The following FKBP5 variants were observed in gnomAD, a reference collection of about 807,000 sequenced individuals.
The protein encoded by FKBP5 is peptidyl-prolyl cis-trans isomerase FKBP5.
Under a neutral mutation model 50.5 loss-of-function variants are expected in FKBP5, and 23 were observed. The observed-to-expected ratio is 0.46, with a 90% CI of 0.33 to 0.65. The LOEUF is 0.65. FKBP5 is among the 30% of genes least tolerant of loss of function. The probability of loss-of-function intolerance (pLI) is 0.02; values close to 1 mark genes in which losing one functional copy is unlikely to be tolerated. For synonymous variants in FKBP5, 176 were observed against 190.6 expected, an observed-to-expected ratio of 0.92 and a Z score of 0.63; for missense variants, 411 against 553.1, an observed-to-expected ratio of 0.74 and a Z score of 2.58.
chr6:35,654,260 T>C (rs1764889514), intron 1 of FKBP5, among the ~76,000 whole-genome samples: 1 of 152,202 alleles, frequency 6.6e-6, no homozygotes, highest in African/African-American at 2.4e-5. Flanking sequence ...TGCCAAAATA[T>C]CTTTTTTCCC....
intron 1 of FKBP5, among the ~76,000 whole-genome samples, chr6:35,653,608 G>C (rs1363239678): frequency 2.0e-5 from 3 of 152,202 alleles, no homozygotes; most frequent in African/African-American, 7.2e-5. Flanking sequence ...CATGTTAAGA[G>C]AGGGTGTCAA....
intron 1 of FKBP5, among the ~76,000 whole-genome samples, chr6:35,658,442 T>C (rs1035814981): frequency 6.6e-6 from 1 of 152,112 alleles, no homozygotes; most frequent in African/African-American, 2.4e-5. Flanking sequence ...AGCAGATATC[T>C]TGACTTGTTC....
At chr6:35,654,123 TACAA>T (rs949018573) in intron 1 of FKBP5, among the ~76,000 whole-genome samples, 1 of 152,232 alleles carries the variant, frequency 6.6e-6, no homozygotes, top group Admixed American at 6.5e-5. Flanking sequence ...ATACATGTGA[TACAA>T]ACAGTGTGGT....
intron 3 of FKBP5, among the ~76,000 whole-genome samples, chr6:35,625,745 C>A (rs1385637450): frequency 1.3e-5 from 2 of 148,282 alleles, no homozygotes; most frequent in Non-Finnish European, 3.0e-5. Context: ...CAAAAAAAAA[C>A]ACACCAAGAA....
intron 2 of FKBP5, among the ~76,000 whole-genome samples, chr6:35,701,242 T>G (rs1234406145): frequency 3.3e-5 from 5 of 149,590 alleles, no homozygotes; most frequent in South Asian, 4.2e-4. Flanking sequence ...TGTTTTTTGT[T>G]TTTTTGTTTT....
intron 3 of FKBP5, among the ~76,000 whole-genome samples, chr6:35,630,764 A>G (rs1166282107): frequency 6.6e-6 from 1 of 152,234 alleles, no homozygotes; most frequent in African/African-American, 2.4e-5. Context: ...AATATAGTAA[A>G]CAAAAAATCA....
At chr6:35,641,511 G>A (rs943045155) in intron 2 of FKBP5, among the ~76,000 whole-genome samples, 1 of 152,180 alleles carries the variant, frequency 6.6e-6, no homozygotes, top group Non-Finnish European at 1.5e-5. Flanking sequence ...CTAGGCCATA[G>A]GAACTTTTCG....
rs558299730 is a variant in FKBP5, at chr6:35,636,928, T to A, written c.250+86A>T. 2.3e-6 allele frequency: 3 copies of A among 1,292,262 alleles called. No homozygotes were observed. In the Admixed American group the frequency reaches 1.0e-4, roughly 43 times the overall value. 80.0% of individuals were successfully genotyped at this position (1,292,262 alleles called of 1,614,324 possible). A position where few individuals can be genotyped will look rare whatever the true frequency, so the allele number is the denominator to read the frequency against. ...CTACTACTCTAAAATTTCTTTACTT[T>A]TAGAAAGGATAGAATCCTCTGCTCC... On this transcript the variant is annotated intron_variant, in intron 3 of 10. Coordinates refer to ENST00000357266, the MANE Select transcript of FKBP5 (RefSeq NM_004117.4).
intron 1 of FKBP5, among the ~76,000 whole-genome samples, chr6:35,667,833 C>T (rs1581867092): frequency 6.6e-6 from 1 of 152,024 alleles, no homozygotes; most frequent in Non-Finnish European, 1.5e-5. Flanking sequence ...GGCATGGTGG[C>T]GGGCGCCTGT....
chr6:35,682,905 TAA>T (rs569511819), intron 1 of FKBP5, among the ~76,000 whole-genome samples: 3 of 122,710 alleles, frequency 2.4e-5, no homozygotes, highest in Non-Finnish European at 3.5e-5. Flanking sequence ...CAATCTCTTT[TAA>T]AAAAAAAAAA....
intron 2 of FKBP5, among the ~76,000 whole-genome samples, chr6:35,713,788 T>C (rs745612042): frequency 2.0e-5 from 3 of 152,184 alleles, no homozygotes; most frequent in Admixed American, 6.5e-5. Context: ...CTCTCCGGAC[T>C]CACACCCTCA....
chr6:35,600,415 CA>C (rs1004334631), intron 5 of FKBP5, among the ~76,000 whole-genome samples: 28 of 135,790 alleles, frequency 2.1e-4, no homozygotes, highest in Non-Finnish European at 2.5e-4. Flanking sequence ...GAGACCGTCT[CA>C]AAAAAAAAAA....
intron 2 of FKBP5, among the ~76,000 whole-genome samples, chr6:35,639,010 T>TA (rs1270226925): frequency 6.6e-6 from 1 of 152,008 alleles, no homozygotes; most frequent in Non-Finnish European, 1.5e-5. Flanking sequence ...CAGGCTTCCC[T>TA]AGCAAGATGA....
chr6:35,635,245 T>C (rs543073817), intron 3 of FKBP5, among the ~76,000 whole-genome samples: 102 of 152,012 alleles, frequency 6.7e-4, no homozygotes, highest in Non-Finnish European at 1.3e-3. Context: ...TTAGGCATGA[T>C]AATCTTGCTT....
chr6:35,651,904 C>A, intron 1 of FKBP5: 1 of 1,154,206 alleles, frequency 8.7e-7, no homozygotes, highest in South Asian at 1.6e-5. Flanking sequence ...ACCCAGAACT[C>A]ATTGTTCAGT....
At chr6:35,681,038 GAAGA>G (rs1392363283) in intron 1 of FKBP5, among the ~76,000 whole-genome samples, 1 of 152,170 alleles carries the variant, frequency 6.6e-6, no homozygotes, top group African/African-American at 2.4e-5. Flanking sequence ...ACATATACAT[GAAGA>G]CAAAAGACAG....
rs369800143 is a variant in FKBP5 at position 35,609,316 on chromosome 6, C to T, written c.508+9780G>A. On this transcript the variant is annotated intron_variant, in intron 5 of 10. Transcript: ENST00000357266. ...CCAAAAAGTTAATTTTGTTCTCATA[C>T]ATAAATGACAGTTGGGCTGAGTACG... Among the ~76,000 whole-genome samples, 4 of 152,214 alleles carry T rather than the reference C, an allele frequency of 2.6e-5. No homozygotes were observed. In the East Asian group the frequency reaches 7.7e-4, roughly 29 times the overall value.
At chr6:35,693,767 C>T (rs563605880), upstream of FKBP5, among the ~76,000 whole-genome samples, 12 of 151,152 alleles carry the variant, frequency 7.9e-5, no homozygotes, top group Non-Finnish European at 1.3e-4. Context: ...GTGATCCGCC[C>T]GCCTCGGCCT....
At chr6:35,579,306 T>C (rs541902941) in intron 9 of FKBP5, among the ~76,000 whole-genome samples, 14 of 152,168 alleles carry the variant, frequency 9.2e-5, no homozygotes, top group Non-Finnish European at 2.1e-4. Flanking sequence ...ATGTACAAAA[T>C]AGTTGCCTTG....
Sources: allele counts gnomAD v4.1 joint callset (sites outside exome capture counted in the v4.1 genomes callset), GRCh38; gene constraint gnomAD v4.1.1; transcripts MANE v1.5; gene names NCBI Gene and HGNC (gene_info 2026-07-23, HGNC 2026-07-21).